Variants in SLC26A5 observed in about 807,000 individuals in gnomAD.
The protein encoded by SLC26A5 is prestin.
In SLC26A5, 51 loss-of-function variants were observed where a neutral mutation model predicts 81.0. The observed-to-expected ratio is 0.63, with a 90% CI of 0.50 to 0.80. The LOEUF is 0.80. Ranked by LOEUF, SLC26A5 falls within the 30% of genes least tolerant of loss-of-function variation. The probability of loss-of-function intolerance (pLI) is 0.00; values close to 1 mark genes in which losing one functional copy is unlikely to be tolerated. For missense variants in SLC26A5, 771 were observed against 905.8 expected (o/e 0.85, Z 1.91); for synonymous variants, 325 against 332.8 (o/e 0.98, Z 0.25).
chr7:103,395,275 T>A (rs1353956198), intron 9 of SLC26A5, among the ~76,000 whole-genome samples: 1 of 151,666 alleles, frequency 6.6e-6, no homozygotes, highest in African/African-American at 2.4e-5. Flanking sequence ...TGTTACCTAC[T>A]TGGTTTTGGG....
At chr7:103,420,932 G>A in intron 3 of SLC26A5, 55 bp from the exon 4 acceptor site, 3 of 1,545,736 alleles carry the variant, frequency 1.9e-6, no homozygotes, top group South Asian at 2.2e-5. Flanking sequence ...CATCTCTGTA[G>A]AATTCAAACC....
chr7:103,363,436 TCATGTAAGTA>T, intron 19 of SLC26A5: 1 of 1,605,918 alleles, frequency 6.2e-7, no homozygotes, highest in African/African-American at 1.3e-5. Context: ...CCCCATTACT[TCATGTAAGTA>T]GCTGAGTGTT....
chr7:103,427,594 G>T (rs1825791569), intron 2 of SLC26A5, among the ~76,000 whole-genome samples: 1 of 152,024 alleles, frequency 6.6e-6, no homozygotes, highest in Non-Finnish European at 1.5e-5. Flanking sequence ...ATAACAAAAT[G>T]GTAACAACAT....
intron 19 of SLC26A5, chr7:103,368,168 T>C (rs1263981699): frequency 1.1e-6 from 1 of 906,488 alleles, no homozygotes; most frequent in East Asian, 2.7e-5. Context: ...CTTTTTTCCA[T>C]ATCTCTTCTT....
chr7:103,395,487 G>A (rs141792146), intron 9 of SLC26A5, among the ~76,000 whole-genome samples: 3,222 of 108,152 alleles, frequency 0.03, 115 homozygotes, highest in African/African-American at 0.095. Flanking sequence ...ATATATATAC[G>A]CATATATATG....
chr7:103,377,145 T>C (rs970474955), intron 18 of SLC26A5, among the ~76,000 whole-genome samples: 1 of 152,168 alleles, frequency 6.6e-6, no homozygotes, highest in Non-Finnish European at 1.5e-5. Context: ...AATTTCAAAA[T>C]AAAAAACGAT....
At chr7:103,420,537 G>A (rs1825265804) in intron 4 of SLC26A5, among the ~76,000 whole-genome samples, 1 of 152,106 alleles carries the variant, frequency 6.6e-6, no homozygotes, top group South Asian at 2.1e-4. Flanking sequence ...CCAGTCTCAA[G>A]TGATCCTCCC....
intron 14 of SLC26A5, among the ~76,000 whole-genome samples, chr7:103,386,759 T>G (rs1822227313): frequency 6.6e-6 from 1 of 151,888 alleles, no homozygotes; most frequent in Non-Finnish European, 1.5e-5. Flanking sequence ...AGTTATAGAT[T>G]TTTTTTTCTT....
At chr7:103,376,323 G>T (rs1422113327) in intron 19 of SLC26A5, among the ~76,000 whole-genome samples, 2 of 152,062 alleles carry the variant, frequency 1.3e-5, no homozygotes, top group East Asian at 3.9e-4. Context: ...CAATCCATCT[G>T]CCTTGGCCTC....
At chr7:103,404,756 G>C (rs554148898) in intron 8 of SLC26A5, among the ~76,000 whole-genome samples, 2 of 152,202 alleles carry the variant, frequency 1.3e-5, no homozygotes, top group South Asian at 4.2e-4. Context: ...AGTTCTCCTG[G>C]ATAATGTCCT....
chr7:103,429,809 T>C (rs1480909483), intron 2 of SLC26A5, among the ~76,000 whole-genome samples: 1 of 152,238 alleles, frequency 6.6e-6, no homozygotes, highest in Non-Finnish European at 1.5e-5. Context: ...CAGACATTTG[T>C]TGGCTGAATG....
rs1827008139 is a variant in SLC26A5, at chr7:103,443,211, C to T, written c.-182G>A. 6.6e-6 allele frequency: 1 copy of T among 151,856 alleles called. No homozygotes were observed. The highest frequency in any genetic ancestry group is 1.5e-5 in the Non-Finnish European group (1 of 68,042). The allele number at this position is 151,856 out of a possible 1,614,324, so 9.4% of individuals were successfully genotyped here. On this transcript the variant is annotated splice_region_variant and 5_prime_UTR_variant, in exon 2 of 20. Coordinates refer to ENST00000306312, the MANE Select transcript of SLC26A5 (RefSeq NM_198999.3). ...GAGAAGGGAGAGCTCGCTCCTTGGC[C>T]CTATGTATAGAAGAAGAAAAGGAAG...
chr7:103,395,380 C>A (rs1395789920), intron 9 of SLC26A5, among the ~76,000 whole-genome samples: 5 of 108,192 alleles, frequency 4.6e-5, no homozygotes, highest in South Asian at 3.3e-4. Flanking sequence ...CTGTCACATA[C>A]AGAAGGGAAG....
At chr7:103,391,585 C>T in intron 11 of SLC26A5, 37 bp downstream of exon 11, 1 of 1,495,696 alleles carries the variant, frequency 6.7e-7, no homozygotes, top group Non-Finnish European at 9.3e-7. Flanking sequence ...AATTACCACC[C>T]ATATCATCAG....
intron 8 of SLC26A5, among the ~76,000 whole-genome samples, chr7:103,399,998 C>T (rs1232965183): frequency 2.0e-5 from 3 of 151,986 alleles, no homozygotes; most frequent in Admixed American, 1.3e-4. Context: ...GGTTCCAAGT[C>T]TTTGCTATTG....
chr7:103,420,685 T>C (rs1651393759), intron 4 of SLC26A5, 53 bp downstream of exon 4: 1 of 1,607,508 alleles, frequency 6.2e-7, no homozygotes, highest in Non-Finnish European at 8.5e-7. Context: ...AAACAGAAGG[T>C]CAAGCAATTG....
rs779617629 is a variant in SLC26A5, at chr7:103,391,685, G to C, written c.1170C>G (p.Thr390=). The part of the protein sequence containing the change: ...LCNSIGSLFQ[T]FSISCSLSRS... ...GAGACAAGGAGCATGAAATTGAAAA[G>C]GTCTGGAAGAGTGAGCCAATGGAAT... The change falls in exon 11 of 20, where the codon ACC becomes ACG. Residue 390 remains threonine (T), a synonymous_variant. Transcript: ENST00000306312. 1.2e-6 allele frequency: 2 copies of C among 1,614,128 alleles called. No homozygotes were observed. The highest frequency in any genetic ancestry group is 1.7e-5 in the Admixed American group (1 of 60,018).
chr7:103,415,789 T>C (rs945714939), intron 4 of SLC26A5, among the ~76,000 whole-genome samples: 6 of 152,236 alleles, frequency 3.9e-5, no homozygotes, highest in Non-Finnish European at 8.8e-5. Context: ...TTATTTTTCA[T>C]TTATTCTGCT....
chr7:103,437,431 G>GTA (rs1158194727), intron 2 of SLC26A5, among the ~76,000 whole-genome samples: 2 of 152,146 alleles, frequency 1.3e-5, no homozygotes, highest in Non-Finnish European at 2.9e-5. Flanking sequence ...CCACTTCTGG[G>GTA]TATATATCCA....
Sources: allele counts gnomAD v4.1 joint callset (sites outside exome capture counted in the v4.1 genomes callset), GRCh38; gene constraint gnomAD v4.1.1; transcripts MANE v1.5; gene names NCBI Gene and HGNC (gene_info 2026-07-23, HGNC 2026-07-21).